Variants in ROBO2 observed in about 807,000 individuals in gnomAD.
ROBO2 encodes the protein roundabout guidance receptor 2.
ROBO2 carries 53 observed loss-of-function variants against 160.8 expected under a neutral mutation model. The observed-to-expected ratio is 0.33, with a 90% CI of 0.26 to 0.41. The LOEUF is 0.41. Ranked by LOEUF, ROBO2 falls within the 10% of genes least tolerant of loss-of-function variation. The pLI, the probability that ROBO2 is intolerant of heterozygous loss-of-function variation, is 1.00. For synonymous variants in ROBO2, 664 were observed against 611.7 expected, an observed-to-expected ratio of 1.09 and a Z score of -1.26; for missense variants, 1,577 against 1,722.4, an observed-to-expected ratio of 0.92 and a Z score of 1.49.
intron 2 of ROBO2, among the ~76,000 whole-genome samples, chr3:76,276,496 T>C (rs575083708): frequency 6.6e-6 from 1 of 152,192 alleles, no homozygotes; most frequent in East Asian, 1.9e-4. Flanking sequence ...CAGTCATTTT[T>C]TTCTTTTGCA....
At chr3:76,028,962 A>G (rs1265960298) in intron 2 of ROBO2, among the ~76,000 whole-genome samples, 1 of 152,054 alleles carries the variant, frequency 6.6e-6, no homozygotes, top group Non-Finnish European at 1.5e-5. Context: ...CAGTGATGCT[A>G]TGAGCATATT....
intron 2 of ROBO2, among the ~76,000 whole-genome samples, chr3:76,253,566 C>A (rs568297518): frequency 1.5e-4 from 23 of 150,364 alleles, no homozygotes; most frequent in African/African-American, 5.6e-4. Context: ...AGTCACCAAA[C>A]CTGGCCCATG....
rs982172734 is a variant in ROBO2, at chr3:76,488,593, A to G, written c.109+550991A>G. Among the ~76,000 whole-genome samples the G allele has an allele frequency of 1.1e-4, 16 of 152,300 alleles. No individual in the cohort carries two copies. The East Asian group carries it at 2.3e-3, about 22-fold the overall frequency. On this transcript the variant is annotated intron_variant, in intron 2 of 26. Coordinates refer to the ROBO2 transcript ENST00000487694. ...TTCTAGACCCAGATTTAAAGGGCTC[A>G]TGTGATAAGGTCCATCCTATCTAAA...
At chr3:77,018,717 GA>G (rs2062436334) in intron 2 of ROBO2, among the ~76,000 whole-genome samples, 1 of 152,070 alleles carries the variant, frequency 6.6e-6, no homozygotes, top group South Asian at 2.1e-4. Flanking sequence ...TTTCATGAAA[GA>G]AAAAATGGTT....
intron 2 of ROBO2, among the ~76,000 whole-genome samples, chr3:76,256,352 T>A (rs62268411): frequency 0.21 from 14,586 of 68,118 alleles, 1,244 homozygotes; most frequent in Non-Finnish European, 0.31. Flanking sequence ...TCTCTCTCTC[T>A]CACATACACA....
intron 1 of ROBO2, among the ~76,000 whole-genome samples, chr3:77,075,227 C>T (rs967592112): frequency 6.6e-6 from 1 of 152,220 alleles, no homozygotes; most frequent in Non-Finnish European, 1.5e-5. Flanking sequence ...ACTAAGTTCA[C>T]GTGAGAGTAT....
chr3:77,587,473 G>A (rs2094081806), intron 16 of ROBO2, among the ~76,000 whole-genome samples: 1 of 152,080 alleles, frequency 6.6e-6, no homozygotes, highest in African/African-American at 2.4e-5. Flanking sequence ...GAGGTTGACT[G>A]AGAAGCCCTT....
intron 2 of ROBO2, among the ~76,000 whole-genome samples, chr3:76,601,262 C>T (rs142351236): frequency 1.3e-3 from 198 of 152,250 alleles, no homozygotes; most frequent in African/African-American, 4.3e-3. Flanking sequence ...GTGGATCTAC[C>T]GTTCTGGGGT....
intron 2 of ROBO2, among the ~76,000 whole-genome samples, chr3:76,413,483 C>T (rs894011913): frequency 1.3e-5 from 2 of 152,186 alleles, no homozygotes; most frequent in Non-Finnish European, 2.9e-5. Context: ...CCCAAGTCAC[C>T]TCTTGAATGC....
At chr3:76,539,633 T>C (rs2082710216) in intron 2 of ROBO2, among the ~76,000 whole-genome samples, 1 of 152,196 alleles carries the variant, frequency 6.6e-6, no homozygotes, top group Non-Finnish European at 1.5e-5. Context: ...CTACTAGAAA[T>C]AGTCTGTGAA....
At chr3:77,277,670 A>C (rs1477437990) in intron 2 of ROBO2, among the ~76,000 whole-genome samples, 1 of 152,100 alleles carries the variant, frequency 6.6e-6, no homozygotes. Flanking sequence ...TCCATGGTGT[A>C]TATGTACCAC....
intron 2 of ROBO2, among the ~76,000 whole-genome samples, chr3:76,407,551 AT>A (rs1377112681): frequency 6.6e-6 from 1 of 152,020 alleles, no homozygotes; most frequent in Non-Finnish European, 1.5e-5. Context: ...CAAAGGATGC[AT>A]CTTACCATTA....
chr3:76,128,523 G>T (rs896162012), intron 2 of ROBO2, among the ~76,000 whole-genome samples: 1 of 152,006 alleles, frequency 6.6e-6, no homozygotes, highest in African/African-American at 2.4e-5. Flanking sequence ...TAGCTGAAAA[G>T]ATAAGATATT....
chr3:76,673,305 A>G (rs184649480), intron 2 of ROBO2, among the ~76,000 whole-genome samples: 2 of 152,244 alleles, frequency 1.3e-5, no homozygotes, highest in Admixed American at 1.3e-4. Context: ...TTGAGATCGG[A>G]AACATCAGGA....
chr3:76,488,656 T>C (rs767042748), intron 2 of ROBO2, among the ~76,000 whole-genome samples: 2 of 152,106 alleles, frequency 1.3e-5, no homozygotes, highest in Non-Finnish European at 2.9e-5. Context: ...AATCCTTTTT[T>C]CCATGTGAAA....
intron 2 of ROBO2, among the ~76,000 whole-genome samples, chr3:76,169,968 G>A (rs2106988800): frequency 6.6e-6 from 1 of 152,130 alleles, no homozygotes; most frequent in South Asian, 2.1e-4. Context: ...TTTTAGTAGA[G>A]ATGGGGTTTT....
At chr3:76,440,933 AT>A (rs1279864454) in intron 2 of ROBO2, among the ~76,000 whole-genome samples, 1 of 152,136 alleles carries the variant, frequency 6.6e-6, no homozygotes, top group Non-Finnish European at 1.5e-5. Flanking sequence ...TTGGCCTATT[AT>A]CCCATCTCTA....
intron 2 of ROBO2, among the ~76,000 whole-genome samples, chr3:76,338,628 A>G (rs2074032977): frequency 6.6e-6 from 1 of 151,866 alleles, no homozygotes; most frequent in Non-Finnish European, 1.5e-5. Flanking sequence ...TTGAGCTATG[A>G]TTGCCCCAGT....
At chr3:76,315,252 A>G (rs978392648) in intron 2 of ROBO2, among the ~76,000 whole-genome samples, 2 of 152,188 alleles carry the variant, frequency 1.3e-5, no homozygotes, top group African/African-American at 4.8e-5. Context: ...GAGTTAAACT[A>G]TTGGCAACGA....
Sources: allele counts gnomAD v4.1 joint callset (sites outside exome capture counted in the v4.1 genomes callset), GRCh38; gene constraint gnomAD v4.1.1; transcripts MANE v1.5; gene names NCBI Gene and HGNC (gene_info 2026-07-23, HGNC 2026-07-21).